The following LRSAM1 variants were observed in gnomAD, a reference collection of about 807,000 sequenced individuals.
LRSAM1 encodes the protein leucine rich repeat and sterile alpha motif containing 1.
Under a neutral mutation model 118.1 loss-of-function variants are expected in LRSAM1, and 96 were observed. The ratio of observed to expected loss-of-function variants is 0.81; its 90% CI spans 0.69 to 0.96. The LOEUF (loss-of-function observed/expected upper bound fraction) is 0.96, where lower values mean the gene tolerates loss of function less well. Among genes scored for constraint, LRSAM1 ranks in the 40% least tolerant of loss-of-function variants. The pLI is 0.00. For synonymous variants in LRSAM1, 322 were observed against 364.2 expected (o/e 0.88, Z 1.32); for missense variants, 804 against 915.5 (o/e 0.88, Z 1.57).
intron 18 of LRSAM1, among the ~76,000 whole-genome samples, chr9:127,488,460 C>T (rs1835811904): frequency 6.6e-6 from 1 of 152,110 alleles, no homozygotes; most frequent in South Asian, 2.1e-4. Flanking sequence ...TGGGGTTTTG[C>T]CACGTTGGCC....
At chr9:127,493,550 G>A (rs1454290973) in intron 21 of LRSAM1, among the ~76,000 whole-genome samples, 2 of 152,146 alleles carry the variant, frequency 1.3e-5, no homozygotes. Context: ...CTATTGTTGA[G>A]TATGTGGATT....
At chr9:127,502,420 C>G (rs1029874653) in intron 25 of LRSAM1, among the ~76,000 whole-genome samples, 5 of 152,180 alleles carry the variant, frequency 3.3e-5, no homozygotes, top group Admixed American at 3.3e-4. Flanking sequence ...CATGGTGGCT[C>G]ACGCCTGTAA....
chr9:127,497,130 G>A, intron 23 of LRSAM1, 123 bp from the exon 24 acceptor site: 1 of 988,826 alleles, frequency 1.0e-6, no homozygotes, highest in South Asian at 1.3e-5. Flanking sequence ...GGCCCCGGAA[G>A]GCTTCCACAT....
intron 19 of LRSAM1, 117 bp from the exon 20 acceptor site, chr9:127,491,098 C>A: frequency 1.2e-6 from 1 of 840,916 alleles, no homozygotes; most frequent in South Asian, 1.3e-5. Context: ...ATTCCAGAGC[C>A]TCCCCAGCCT....
chr9:127,492,723 G>A, intron 20 of LRSAM1, 79 bp from the exon 21 acceptor site: 3 of 1,333,544 alleles, frequency 2.2e-6, no homozygotes, highest in Non-Finnish European at 3.2e-6. Flanking sequence ...GGGAGGCCAG[G>A]CCCTTCTCCA....
rs1185949155 is a variant in LRSAM1, at chr9:127,468,810, C to CAA, written c.619+1008_619+1009dup. 8.4e-3 allele frequency among the ~76,000 whole-genome samples: 138 copies of CAA among 16,398 alleles called. 13 individuals are homozygous for CAA. The highest frequency in any genetic ancestry group is 0.014 in the South Asian group (6 of 438). The allele number at this position is 16,398 out of a possible 152,430, so 10.8% of individuals were successfully genotyped here. A position where few individuals can be genotyped will look rare whatever the true frequency, so the allele number is the denominator to read the frequency against. On this transcript the variant is annotated intron_variant, in intron 10 of 25. Coordinates refer to ENST00000300417, the MANE Select transcript of LRSAM1 (RefSeq NM_001005373.4). ...GCAACATGGTGAAACCCTGTCTCTA[C>CAA]AAAAAAAAAAAAAAAAAAAAAAAAA...
intron 11 of LRSAM1, among the ~76,000 whole-genome samples, chr9:127,475,326 A>G (rs532993031): frequency 6.6e-6 from 1 of 152,214 alleles, no homozygotes; most frequent in Non-Finnish European, 1.5e-5. Context: ...CCCTGTCTCT[A>G]CTGAAAATGC....
rs897474984 is a variant in LRSAM1 at position 127,503,303 on chromosome 9, G to C, written c.*404G>C. The C allele has an allele frequency of 7.2e-6, 2 of 278,308 alleles. No individual in the cohort carries two copies. The highest frequency in any genetic ancestry group is 1.4e-5 in the Non-Finnish European group (2 of 141,268). 17.2% of individuals were successfully genotyped at this position (278,308 alleles called of 1,614,324 possible). ...CTGCATGTGGGAAGGGAGCAGGAGG[G>C]CCTGGCTGGGTGAGGGGAGGCCTTC... On this transcript the variant is annotated 3_prime_UTR_variant, in exon 26 of 26. Transcript: ENST00000300417.
chr9:127,495,974 T>A lies in LRSAM1; in HGVS notation c.1709T>A (p.Met570Lys), dbSNP rs370745787. 6.8e-6 allele frequency: 11 copies of A among 1,612,898 alleles called. No individual in the cohort carries two copies. The highest frequency in any genetic ancestry group is 9.3e-6 in the Non-Finnish European group (11 of 1,179,952). Reference sequence around the variant, plus strand: ...GTTTCTGTCTTGCAGGAAGAGGGGATGGAGCGCCAGCTGGTGGCCCTCCTG... The same window carrying A: ...GTTTCTGTCTTGCAGGAAGAGGGGAAGGAGCGCCAGCTGGTGGCCCTCCTG... ...PLSLKLQEEG[M>K]ERQLVALLEE... Residue 570 changes from methionine to lysine, a missense_variant, in exon 23 of 26, where the codon ATG becomes AAG. Met to Lys is a moderately conservative substitution (Grantham distance 95). Transcript: ENST00000300417.
chr9:127,477,936 C>G (rs1835397388), intron 11 of LRSAM1, among the ~76,000 whole-genome samples: 1 of 151,562 alleles, frequency 6.6e-6, no homozygotes, highest in African/African-American at 2.4e-5. Flanking sequence ...GTAATCCCAG[C>G]TACTCAGGAG....
Position 127,485,340 on chromosome 9 carries a change from G to A in LRSAM1, c.1160-396G>A, listed in dbSNP as rs538241441. On this transcript the variant is annotated intron_variant, in intron 16 of 25. Coordinates refer to ENST00000300417, the MANE Select transcript of LRSAM1 (RefSeq NM_001005373.4). Reference sequence around the variant, plus strand: ...TGGGAGGCCAAGGCGGGTGGATCACGAGGTCAAGAGATCGAGACCATCCTG... The same window carrying A: ...TGGGAGGCCAAGGCGGGTGGATCACAAGGTCAAGAGATCGAGACCATCCTG... Among the ~76,000 whole-genome samples the A allele has an allele frequency of 4.1e-4, 63 of 151,958 alleles. 1 individual carries two copies. Among genetic ancestry groups the A allele is most frequent in the Non-Finnish European group, 7.9e-4 (54 of 67,998 alleles).
rs1235715546 is a variant in LRSAM1, at chr9:127,468,829, A to AC, written c.619+999_619+1000insC. 1.2e-3 allele frequency among the ~76,000 whole-genome samples: 172 copies of AC among 148,710 alleles called. 1 individual carries two copies. Among genetic ancestry groups the AC allele is most frequent in the Non-Finnish European group, 2.1e-3 (140 of 66,778 alleles). The stretch of plus-strand genomic sequence containing the variant: ...TCTCTACAAAAAAAAAAAAAAAAAA[A>AC]AAAAAAAAAATCAGCCAGGCGTGGT... On this transcript the variant is annotated intron_variant, in intron 10 of 25. Transcript: ENST00000300417.
At position 127,481,544 on chromosome 9, in the gene LRSAM1, G is replaced by A. The variant is rs561780470; in HGVS notation, c.1088+317G>A. On this transcript the variant is annotated intron_variant, in intron 15 of 25. Transcript: ENST00000300417. ...ATTGCAGGCGTGAGCCACTGCTCCC[G>A]GCCAAGGAGAGCAGCTTTGAGGGGA... Among the ~76,000 whole-genome samples the A allele has an allele frequency of 5.3e-5, 8 of 152,108 alleles. No individual in the cohort carries two copies. The East Asian group carries it at 5.8e-4, about 11-fold the overall frequency.
intron 23 of LRSAM1, 122 bp from the exon 24 acceptor site, chr9:127,497,131 G>A (rs1050275471): frequency 3.0e-6 from 3 of 996,352 alleles, no homozygotes; most frequent in East Asian, 2.5e-5. Context: ...GCCCCGGAAG[G>A]CTTCCACATT....
Position 127,470,166 on chromosome 9 carries a change from A to G in LRSAM1, c.619+2336A>G, listed in dbSNP as rs983414719. Among the ~76,000 whole-genome samples, 2 of 152,034 alleles carry G rather than the reference A, an allele frequency of 1.3e-5. 1 individual carries two copies. Among genetic ancestry groups the G allele is most frequent in the Admixed American group, 1.3e-4 (2 of 15,226 alleles). On this transcript the variant is annotated intron_variant, in intron 10 of 25. Coordinates refer to ENST00000300417, the MANE Select transcript of LRSAM1 (RefSeq NM_001005373.4). Reference sequence around the variant, plus strand: ...CCATTCCTAGGTACATGCCTGTATTAGTCTGTTCTCACACCGCTATGAAGA... The same window carrying G: ...CCATTCCTAGGTACATGCCTGTATTGGTCTGTTCTCACACCGCTATGAAGA...
intron 2 of LRSAM1, chr9:127,453,841 G>T (rs2244331): frequency 0.43 from 67,995 of 157,490 alleles, 15,549 homozygotes; most frequent in Non-Finnish European, 0.5. Context: ...CTAGAAAGAC[G>T]CAGCCCCTCA....
chr9:127,481,880 A>G (rs1384564721), intron 15 of LRSAM1, among the ~76,000 whole-genome samples: 2 of 151,884 alleles, frequency 1.3e-5, no homozygotes, highest in Non-Finnish European at 2.9e-5. Context: ...ACATGGCAAA[A>G]CGCTGTCTCT....
intron 7 of LRSAM1, among the ~76,000 whole-genome samples, chr9:127,460,645 A>G (rs1834699562): frequency 6.6e-6 from 1 of 152,174 alleles, no homozygotes; most frequent in Admixed American, 6.5e-5. Context: ...TCTCCTGAGC[A>G]CGTGACTTTG....
intron 9 of LRSAM1, among the ~76,000 whole-genome samples, chr9:127,464,050 C>T (rs1475103680): frequency 6.6e-6 from 1 of 152,248 alleles, no homozygotes; most frequent in Non-Finnish European, 1.5e-5. Context: ...ACAGGGACTT[C>T]TCCATTCATG....
Sources: allele counts gnomAD v4.1 joint callset (sites outside exome capture counted in the v4.1 genomes callset), GRCh38; gene constraint gnomAD v4.1.1; transcripts MANE v1.5; gene names NCBI Gene and HGNC (gene_info 2026-07-23, HGNC 2026-07-21).